CLDN20: variants seen among roughly 807,000 people sequenced by gnomAD.
CLDN20 encodes the protein claudin-20.
For synonymous variants in CLDN20, 104 were observed against 103.6 expected (o/e 1.00, Z -0.03); for missense variants, 258 against 267.9 (o/e 0.96, Z 0.26).
intron 1 of CLDN20, among the ~76,000 whole-genome samples, chr6:155,272,173 G>T (rs1784949276): frequency 6.6e-6 from 1 of 152,222 alleles, no homozygotes; most frequent in Non-Finnish European, 1.5e-5. Context: ...AAGGAGTTAA[G>T]ACAGTGAAGG....
At chr6:155,267,283 T>C (rs1472938390) in intron 1 of CLDN20, among the ~76,000 whole-genome samples, 1 of 152,226 alleles carries the variant, frequency 6.6e-6, no homozygotes, top group African/African-American at 2.4e-5. Context: ...CCGTAGAATA[T>C]GGTGCTTCTT....
chr6:155,269,316 T>C (rs1784814447), intron 1 of CLDN20, among the ~76,000 whole-genome samples: 1 of 103,274 alleles, frequency 9.7e-6, no homozygotes, highest in Admixed American at 1.1e-4. Context: ...TTTCTTTTCT[T>C]TTCTTTTCTT....
chr6:155,272,019 G>A (rs1784942565), intron 1 of CLDN20, among the ~76,000 whole-genome samples: 1 of 152,154 alleles, frequency 6.6e-6, no homozygotes. Flanking sequence ...TTACCTCTCA[G>A]ATTTCTACGT....
chr6:155,265,388 T>C (rs1019339515), intron 1 of CLDN20, among the ~76,000 whole-genome samples: 1 of 152,154 alleles, frequency 6.6e-6, no homozygotes, highest in Non-Finnish European at 1.5e-5. Context: ...TGCATACAAA[T>C]ATAGTAATTC....
chr6:155,268,305 T>C (rs1784755403), intron 1 of CLDN20, among the ~76,000 whole-genome samples: 1 of 152,184 alleles, frequency 6.6e-6, no homozygotes, highest in South Asian at 2.1e-4. Context: ...CCTCTAGTGG[T>C]GGCCTTCAAA....
rs1210845215 is a variant in CLDN20, at chr6:155,275,642, C to T, written c.-78C>T. The T allele has an allele frequency of 2.1e-6, 3 of 1,402,758 alleles. No homozygotes were observed. The highest frequency in any genetic ancestry group is 4.6e-5 in the East Asian group (2 of 43,684). 86.9% of individuals were successfully genotyped at this position (1,402,758 alleles called of 1,614,324 possible). ...CTTTGTTATTTGGTTCTCTACTGCA[C>T]AGAAATAGATAGAATTCTGACAGCC... On this transcript the variant is annotated 5_prime_UTR_variant, in exon 2 of 2. Coordinates refer to ENST00000367165, the MANE Select transcript of CLDN20 (RefSeq NM_001001346.3).
chr6:155,271,266 A>G (rs1784902270), intron 1 of CLDN20, among the ~76,000 whole-genome samples: 1 of 152,202 alleles, frequency 6.6e-6, no homozygotes, highest in African/African-American at 2.4e-5. Flanking sequence ...TGAGGAAGAA[A>G]AAAATGAGAA....
chr6:155,276,540 A>G lies in CLDN20; in HGVS notation c.*161A>G. 1.6e-6 allele frequency: 1 copy of G among 629,814 alleles called. No homozygotes were observed. 39.0% of individuals were successfully genotyped at this position (629,814 alleles called of 1,614,324 possible). A position where few individuals can be genotyped will look rare whatever the true frequency, so the allele number is the denominator to read the frequency against. The stretch of plus-strand genomic sequence containing the variant: ...TTTAAAATGCCAATAAAACTATCAT[A>G]TACAATTACATCTGTCTGAAGAGTT... On this transcript the variant is annotated 3_prime_UTR_variant, in exon 2 of 2. Transcript: ENST00000367165.
chr6:155,266,725 T>C (rs1393943849), intron 1 of CLDN20, among the ~76,000 whole-genome samples: 1 of 151,558 alleles, frequency 6.6e-6, no homozygotes, highest in Non-Finnish European at 1.5e-5. Context: ...CGGCCGCCTG[T>C]AGTCCCCGCT....
Position 155,275,833 on chromosome 6 carries a change from C to T in CLDN20, c.114C>T (p.Ser38=). ...GGAAGGTGAATGTGGATGTGGACTCCAACATCATAACAGCCATTGTACAGC... is the reference window on the plus strand; with the variant it reads ...GGAAGGTGAATGTGGATGTGGACTCTAACATCATAACAGCCATTGTACAGC... ...PNWKVNVDVD[S]NIITAIVQLH... Residue 38 remains serine (S), a synonymous_variant, in exon 2 of 2, where the codon TCC becomes TCT. Coordinates refer to ENST00000367165, the MANE Select transcript of CLDN20 (RefSeq NM_001001346.3). The T allele has an allele frequency of 6.2e-7, 1 of 1,614,090 alleles. No individual in the cohort carries two copies. Among genetic ancestry groups the T allele is most frequent in the Non-Finnish European group, 8.5e-7 (1 of 1,180,012 alleles).
intron 1 of CLDN20, among the ~76,000 whole-genome samples, chr6:155,266,035 A>G (rs1784619150): frequency 6.6e-6 from 1 of 151,956 alleles, no homozygotes; most frequent in African/African-American, 2.4e-5. Flanking sequence ...AGCTGATTAG[A>G]TGGTGCCCAC....
At chr6:155,270,416 T>A (rs1388107048) in intron 1 of CLDN20, among the ~76,000 whole-genome samples, 1 of 152,204 alleles carries the variant, frequency 6.6e-6, no homozygotes, top group Non-Finnish European at 1.5e-5. Flanking sequence ...GTAATGTTGA[T>A]AAACTATATT....
At chr6:155,264,412 A>G (rs1784528551) in intron 1 of CLDN20, 124 bp downstream of exon 1, 1 of 152,162 alleles carries the variant, frequency 6.6e-6, no homozygotes, top group Non-Finnish European at 1.5e-5. Flanking sequence ...GAATTGGTTC[A>G]CTCTACCTGT....
chr6:155,267,306 A>T (rs1784700135), intron 1 of CLDN20, among the ~76,000 whole-genome samples: 1 of 152,220 alleles, frequency 6.6e-6, no homozygotes, highest in Admixed American at 6.5e-5. Flanking sequence ...TGAAAGGGTC[A>T]GCTGAGGCAG....
Position 155,275,770 on chromosome 6 carries a change from G to A in CLDN20, c.51G>A (p.Gly17=), listed in dbSNP as rs918692213. 6.2e-7 allele frequency: 1 copy of A among 1,614,016 alleles called. No individual in the cohort carries two copies. Among genetic ancestry groups the A allele is most frequent in the Non-Finnish European group, 8.5e-7 (1 of 1,179,992 alleles). Residue 17 remains glycine (G), a synonymous_variant, in exon 2 of 2, where the codon GGG becomes GGA. Transcript: ENST00000367165. ...QLLAFILALS[G]VSGVLTATLL... is the part of the protein sequence containing the mutation. ...TTGCTTTCATCCTGGCCTTATCTGG[G>A]GTCTCTGGAGTGCTCACAGCCACTC...
chr6:155,270,863 C>G (rs1484348131), intron 1 of CLDN20, among the ~76,000 whole-genome samples: 1 of 152,186 alleles, frequency 6.6e-6, no homozygotes, highest in Non-Finnish European at 1.5e-5. Flanking sequence ...CAATTCAACT[C>G]AACTTCTTCC....
At position 155,276,000 on chromosome 6, in the gene CLDN20, G is replaced by T. The variant is rs34434986; in HGVS notation, c.281G>T (p.Gly94Val). 6.2e-7 allele frequency: 1 copy of T among 1,614,132 alleles called. No individual in the cohort carries two copies. Among genetic ancestry groups the T allele is most frequent in the Non-Finnish European group, 8.5e-7 (1 of 1,180,022 alleles). The stretch of plus-strand genomic sequence containing the variant: ...CTGGCGTGTGTTCTGTCTGCTTTGG[G>T]GATCTGCACTTCCACAGTAGGAATG... ...MVLACVLSAL[G>V]ICTSTVGMKC... Residue 94 changes from glycine to valine, a missense_variant, in exon 2 of 2, where the codon GGG becomes GTG. By Grantham distance (109) the Gly-to-Val change is moderately radical (BLOSUM62 -3). Coordinates refer to ENST00000367165, the MANE Select transcript of CLDN20 (RefSeq NM_001001346.3).
intron 1 of CLDN20, among the ~76,000 whole-genome samples, chr6:155,275,281 ATTCT>A (rs1345272370): frequency 6.6e-6 from 1 of 152,212 alleles, no homozygotes; most frequent in Non-Finnish European, 1.5e-5. Flanking sequence ...TGCTATTAAA[ATTCT>A]TTATCAGATA....
intron 1 of CLDN20, among the ~76,000 whole-genome samples, chr6:155,267,021 G>C (rs1234135349): frequency 6.8e-6 from 1 of 147,784 alleles, no homozygotes; most frequent in Non-Finnish European, 1.5e-5. Context: ...CCAGGCTGGA[G>C]TGCAGTGCAG....
Sources: gnomAD v4.1 joint callset for allele counts (sites outside exome capture counted in the v4.1 genomes callset) on GRCh38, gnomAD v4.1.1 for gene constraint, MANE v1.5 for transcripts, NCBI Gene and HGNC (gene_info 2026-07-23, HGNC 2026-07-21) for gene names.